The following FAM81A variants were observed in gnomAD, a reference collection of about 807,000 sequenced individuals.
The protein encoded by FAM81A is family with sequence similarity 81 member A.
Under a neutral mutation model 46.7 loss-of-function variants are expected in FAM81A, and 19 were observed. That is an observed-to-expected ratio of 0.41 (90% confidence interval 0.28 to 0.60). The LOEUF is 0.60. Ranked by LOEUF, FAM81A falls within the 20% of genes least tolerant of loss-of-function variation. The pLI is 0.34. For missense variants in FAM81A, 377 were observed against 453.5 expected (o/e 0.83, Z 1.53); for synonymous variants, 183 against 152.9 (o/e 1.20, Z -1.45).
chr15:59,513,066 T>A (rs2082229870), intron 6 of FAM81A, among the ~76,000 whole-genome samples: 1 of 152,206 alleles, frequency 6.6e-6, no homozygotes, highest in African/African-American at 2.4e-5. Flanking sequence ...TTAAGTCACA[T>A]GTCTACATCA....
upstream of FAM81A, among the ~76,000 whole-genome samples, chr15:59,437,556 T>C (rs2081251868): frequency 6.6e-6 from 1 of 152,026 alleles, no homozygotes; most frequent in African/African-American, 2.4e-5. Context: ...TCGTCGTGTC[T>C]GCTGCGATGA....
rs1315514796 is a variant in FAM81A, at chr15:59,460,966, A to G, written c.294+760A>G. ...ATTATGCTTCCTAAAATTAAACCTC[A>G]TTTCTTTTTTTTCCATTGTCAGATT... On this transcript the variant is annotated intron_variant, in intron 3 of 8. Transcript: ENST00000288228. The surrounding 1 kb of genome is among the most constrained non-coding windows in gnomAD (Gnocchi z 4.4). Among the ~76,000 whole-genome samples the G allele has an allele frequency of 6.6e-6, 1 of 152,006 alleles. No individual in the cohort carries two copies. Among genetic ancestry groups the G allele is most frequent in the Non-Finnish European group, 1.5e-5 (1 of 67,974 alleles).
At chr15:59,489,453 C>G (rs1376081844) in intron 3 of FAM81A, among the ~76,000 whole-genome samples, 2 of 152,012 alleles carry the variant, frequency 1.3e-5, no homozygotes, top group African/African-American at 2.4e-5. Context: ...GTTTGGAATA[C>G]ATAATATTGT....
chr15:59,509,577 C>A (rs188945898), intron 6 of FAM81A, among the ~76,000 whole-genome samples: 1 of 152,060 alleles, frequency 6.6e-6, no homozygotes, highest in Non-Finnish European at 1.5e-5. Context: ...GGCCATGTGA[C>A]AATGGAAGCG....
chr15:59,431,831 T>A (rs1371176605), intron 2 of FAM81A, among the ~76,000 whole-genome samples: 2 of 152,202 alleles, frequency 1.3e-5, no homozygotes, highest in Non-Finnish European at 2.9e-5. Context: ...AAAAAGCTGT[T>A]TCCTGAGTCT....
intron 3 of FAM81A, among the ~76,000 whole-genome samples, chr15:59,466,704 A>C (rs1409207165): frequency 1.3e-5 from 2 of 152,098 alleles, no homozygotes; most frequent in African/African-American, 4.8e-5. Flanking sequence ...GAAGCTCTTT[A>C]GTTTAATTAG....
chr15:59,513,946 A>C (rs1175574267), intron 6 of FAM81A, among the ~76,000 whole-genome samples: 1 of 152,198 alleles, frequency 6.6e-6, no homozygotes, highest in Non-Finnish European at 1.5e-5. Context: ...TGGATCTGGA[A>C]GCCATTATCC....
chr15:59,506,394 T>A (rs2082149223), intron 4 of FAM81A, among the ~76,000 whole-genome samples: 1 of 152,112 alleles, frequency 6.6e-6, no homozygotes, highest in South Asian at 2.1e-4. Flanking sequence ...TACTTGTGCC[T>A]TTTGAACCTG....
At chr15:59,493,150 C>A (rs562940483) in intron 4 of FAM81A, among the ~76,000 whole-genome samples, 6 of 152,230 alleles carry the variant, frequency 3.9e-5, no homozygotes, top group Admixed American at 6.5e-5. Flanking sequence ...CCTGAGGTGG[C>A]AATGAGGGTG....
chr15:59,508,526 T>G lies in FAM81A; in HGVS notation c.544-337T>G, dbSNP rs16941453. ...AATTCTATTTTCTATGACGAGCCGT[T>G]AAACTGATGGTAGAAATTCCAAGGT... On this transcript the variant is annotated intron_variant, in intron 5 of 8. Coordinates refer to ENST00000288228, the MANE Select transcript of FAM81A (RefSeq NM_152450.3). Among the ~76,000 whole-genome samples, 1,322 of 152,280 alleles carry G rather than the reference T, an allele frequency of 8.7e-3. 18 individuals carry two copies. Among genetic ancestry groups the G allele is most frequent in the African/African-American group, 0.03 (1,232 of 41,556 alleles).
chr15:59,477,930 T>C (rs1160087104), intron 3 of FAM81A, among the ~76,000 whole-genome samples: 1 of 152,246 alleles, frequency 6.6e-6, no homozygotes, highest in Non-Finnish European at 1.5e-5. Context: ...TCAGAAACTT[T>C]CCACCAATGA....
chr15:59,401,736 A>G, intron 1 of FAM81A: 1 of 771,346 alleles, frequency 1.3e-6, no homozygotes, highest in Non-Finnish European at 2.4e-6. Flanking sequence ...TCCAGCAGAT[A>G]GGCAGGTACT....
chr15:59,491,337 T>C lies in FAM81A; in HGVS notation c.295-934T>C, dbSNP rs115832267. ...GGCACAGAAAGATAAGCTTCGCATG[T>C]TCTCACTCACTTGTGGGAGCTAAAA... On this transcript the variant is annotated intron_variant, in intron 3 of 8. Transcript: ENST00000288228. Among the ~76,000 whole-genome samples the C allele has an allele frequency of 3.4e-3, 522 of 152,174 alleles. 3 individuals are homozygous for C. Among genetic ancestry groups the C allele is most frequent in the African/African-American group, 0.012 (495 of 41,504 alleles).
chr15:59,488,222 C>T (rs1290334059), intron 3 of FAM81A, among the ~76,000 whole-genome samples: 5 of 152,066 alleles, frequency 3.3e-5, no homozygotes, highest in African/African-American at 1.2e-4. Context: ...ATTCAACATC[C>T]CTTCATGAGA....
At chr15:59,454,623 ATTTTTCT>A (rs2081460349) in intron 1 of FAM81A, among the ~76,000 whole-genome samples, 1 of 151,314 alleles carries the variant, frequency 6.6e-6, no homozygotes, top group African/African-American at 2.4e-5. Flanking sequence ...CATTTGGATT[ATTTTTCT>A]TTTTTCTTTT....
At chr15:59,473,317 C>T (rs1014219506) in intron 3 of FAM81A, among the ~76,000 whole-genome samples, 6 of 152,164 alleles carry the variant, frequency 3.9e-5, no homozygotes, top group Non-Finnish European at 8.8e-5. Flanking sequence ...TTTCACCACC[C>T]GGCCTGGGTG....
At chr15:59,443,819 T>G (rs138937269) in intron 1 of FAM81A, among the ~76,000 whole-genome samples, 4 of 152,196 alleles carry the variant, frequency 2.6e-5, no homozygotes, top group African/African-American at 9.6e-5. Flanking sequence ...AGTTATGGAG[T>G]GAAGGCCTGT....
At chr15:59,521,222 T>C (rs1446041520) in intron 8 of FAM81A, 32 bp from the exon 9 acceptor site, 5 of 1,588,914 alleles carry the variant, frequency 3.1e-6, no homozygotes, top group Non-Finnish European at 4.3e-6. Context: ...AAAAAAATTG[T>C]TAACTGTTGT....
At chr15:59,456,772 C>T (rs542186819) in intron 1 of FAM81A, among the ~76,000 whole-genome samples, 1 of 152,184 alleles carries the variant, frequency 6.6e-6, no homozygotes, top group South Asian at 2.1e-4. Context: ...GATGGGATTT[C>T]GCCATGTTGC....
Sources: gnomAD v4.1 joint callset for allele counts (sites outside exome capture counted in the v4.1 genomes callset) on GRCh38, gnomAD v4.1.1 for gene constraint, Gnocchi (gnomAD v3.1) non-coding constraint, MANE v1.5 for transcripts, NCBI Gene and HGNC (gene_info 2026-07-23, HGNC 2026-07-21) for gene names.